Variants in PPP1R1C observed in about 807,000 individuals in gnomAD.
The protein encoded by PPP1R1C is protein phosphatase 1 regulatory inhibitor subunit 1C, also known as protein phosphatase 1 regulatory subunit 1C.
Under a neutral mutation model 17.4 loss-of-function variants are expected in PPP1R1C, and 15 were observed. The ratio of observed to expected loss-of-function variants is 0.86; its 90% confidence interval spans 0.58 to 1.33. The LOEUF (loss-of-function observed/expected upper bound fraction) is 1.33, where lower values mean the gene tolerates loss of function less well. Ranked by LOEUF, PPP1R1C falls within the 40% of genes most tolerant of loss-of-function variation. The probability of loss-of-function intolerance (pLI) is 0.00; values close to 1 mark genes in which losing one functional copy is unlikely to be tolerated. For synonymous variants in PPP1R1C, 35 were observed against 43.1 expected, an observed-to-expected ratio of 0.81 and a Z score of 0.73; for missense variants, 143 against 130.0, an observed-to-expected ratio of 1.10 and a Z score of -0.48.
chr2:182,112,826 C>T (rs1689480825), intron 4 of PPP1R1C, among the ~76,000 whole-genome samples: 1 of 151,898 alleles, frequency 6.6e-6, no homozygotes, highest in Admixed American at 6.6e-5. Context: ...CATAGATTCC[C>T]TAAAGGACTT....
intron 2 of PPP1R1C, among the ~76,000 whole-genome samples, chr2:182,029,490 A>T (rs1306369737): frequency 2.0e-5 from 3 of 150,396 alleles, no homozygotes; most frequent in Non-Finnish European, 2.9e-5. Flanking sequence ...TTGGCTGGAT[A>T]TGAAATTCTG....
intron 2 of PPP1R1C, among the ~76,000 whole-genome samples, chr2:182,031,632 A>G (rs1686843015): frequency 1.3e-5 from 2 of 152,178 alleles, no homozygotes; most frequent in African/African-American, 4.8e-5. Context: ...CAATAGCCTC[A>G]CTTCTTATTT....
chr2:181,987,967 A>G, intron 2 of PPP1R1C, 68 bp downstream of exon 2: 2 of 1,325,260 alleles, frequency 1.5e-6, no homozygotes, highest in Admixed American at 2.2e-5. Context: ...ATCAAAGTAC[A>G]TGTCGTACTG....
At chr2:182,002,589 C>A (rs1033029335) in intron 2 of PPP1R1C, among the ~76,000 whole-genome samples, 2 of 151,920 alleles carry the variant, frequency 1.3e-5, no homozygotes, top group African/African-American at 4.8e-5. Flanking sequence ...TGAATCCCAG[C>A]TCTTTATTCA....
At chr2:182,010,243 C>T (rs1329485364) in intron 2 of PPP1R1C, among the ~76,000 whole-genome samples, 3 of 151,904 alleles carry the variant, frequency 2.0e-5, no homozygotes, top group Non-Finnish European at 4.4e-5. Context: ...ATTTGTTCTT[C>T]CAATTCATGA....
At chr2:182,003,144 T>C (rs1685821377) in intron 2 of PPP1R1C, among the ~76,000 whole-genome samples, 1 of 152,188 alleles carries the variant, frequency 6.6e-6, no homozygotes, top group Non-Finnish European at 1.5e-5. Context: ...TTTAAACTAC[T>C]GTGATAAAGA....
intron 2 of PPP1R1C, among the ~76,000 whole-genome samples, chr2:181,992,061 G>C (rs1685491362): frequency 6.6e-6 from 1 of 152,034 alleles, no homozygotes; most frequent in East Asian, 1.9e-4. Context: ...ATCTAGAGTT[G>C]GAAAATAATT....
intron 2 of PPP1R1C, among the ~76,000 whole-genome samples, chr2:182,042,902 G>C (rs1687227517): frequency 6.6e-6 from 1 of 152,202 alleles, no homozygotes; most frequent in African/African-American, 2.4e-5. Context: ...AACTAGAGAT[G>C]ATTGTGAGCC....
rs148519212 is a variant in PPP1R1C, at chr2:182,127,026, C to T, written c.*7-1948C>T. ...TAACAATGAAGCTAATTCGAAGGAA[C>T]GAACATAGTGAGAATCCCAGCAGTA... On this transcript the variant is annotated intron_variant, in intron 5 of 5. Coordinates refer to the PPP1R1C transcript ENST00000280295. 1.1e-3 allele frequency among the ~76,000 whole-genome samples: 174 copies of T among 152,106 alleles called. 2 individuals carry two copies. The highest frequency in any genetic ancestry group is 5.8e-3 in the East Asian group (30 of 5,190).
At chr2:182,056,740 G>A (rs1041213913) in intron 2 of PPP1R1C, among the ~76,000 whole-genome samples, 5 of 152,078 alleles carry the variant, frequency 3.3e-5, no homozygotes, top group Non-Finnish European at 7.4e-5. Context: ...GCTAGTTTCT[G>A]TAAAATTATA....
chr2:182,129,879 G>A (rs1335014319), exon 6 of PPP1R1C: 1 of 152,092 alleles, frequency 6.6e-6, no homozygotes, highest in East Asian at 1.9e-4. Flanking sequence ...AGATACTTTT[G>A]CTAATGAGGC....
chr2:181,970,456 A>G (rs749782553), intron 1 of PPP1R1C, among the ~76,000 whole-genome samples: 1 of 152,212 alleles, frequency 6.6e-6, no homozygotes, highest in Non-Finnish European at 1.5e-5. Flanking sequence ...ATTACCAGGC[A>G]GAGACTCTTC....
chr2:181,960,903 A>C (rs1402486327), intron 1 of PPP1R1C, among the ~76,000 whole-genome samples: 1 of 152,240 alleles, frequency 6.6e-6, no homozygotes, highest in African/African-American at 2.4e-5. Context: ...CAGAAATTCC[A>C]TTGAAATGCG....
Position 182,081,608 on chromosome 2 carries a change from A to C in PPP1R1C, c.241+17817A>C, listed in dbSNP as rs140548841. ...AAGCAAATGAGAGAAACTTAATTCTAAAATACAGCTATCAGAGTTAACTTA... is the reference window on the plus strand; with the variant it reads ...AAGCAAATGAGAGAAACTTAATTCTCAAATACAGCTATCAGAGTTAACTTA... On this transcript the variant is annotated intron_variant, in intron 4 of 4. Coordinates refer to ENST00000682840, the MANE Select transcript of PPP1R1C (RefSeq NM_001080545.3). Among the ~76,000 whole-genome samples the C allele has an allele frequency of 1.9e-3, 284 of 152,350 alleles. 1 individual carries two copies. The highest frequency in any genetic ancestry group is 6.0e-3 in the African/African-American group (249 of 41,584).
At chr2:182,085,059 ATTG>A (rs1427642209) in intron 4 of PPP1R1C, among the ~76,000 whole-genome samples, 2 of 151,994 alleles carry the variant, frequency 1.3e-5, no homozygotes, top group African/African-American at 4.8e-5. Context: ...CAGCTTGGTC[ATTG>A]TTGGTGTGCT....
chr2:182,029,376 C>T (rs1212044780), intron 2 of PPP1R1C, among the ~76,000 whole-genome samples: 3 of 152,038 alleles, frequency 2.0e-5, no homozygotes, highest in South Asian at 2.1e-4. Flanking sequence ...ATGTTTAGCA[C>T]TTCCTTCAGG....
At chr2:182,021,612 C>T (rs1228331504) in intron 2 of PPP1R1C, among the ~76,000 whole-genome samples, 1 of 152,030 alleles carries the variant, frequency 6.6e-6, no homozygotes, top group African/African-American at 2.4e-5. Context: ...AGGCGTGAGC[C>T]TCACGCCCAG....
Position 182,076,172 on chromosome 2 carries a change from G to A in PPP1R1C, c.241+12381G>A, listed in dbSNP as rs55970529. Among the ~76,000 whole-genome samples, 209 of 106,692 alleles carry A rather than the reference G, an allele frequency of 2.0e-3. 2 individuals are homozygous for A. The highest frequency in any genetic ancestry group is 7.2e-3 in the African/African-American group (201 of 27,800). The allele number at this position is 106,692 out of a possible 152,430, so 70.0% of individuals were successfully genotyped here. A position where few individuals can be genotyped will look rare whatever the true frequency, so the allele number is the denominator to read the frequency against. ...TCTCTAAAGTTATCTATAAATCAAG[G>A]ATTTTGAACTTTTTTTTTTCTTTTC... On this transcript the variant is annotated intron_variant, in intron 4 of 4. Transcript: ENST00000682840.
At chr2:182,128,627 T>C (rs1921149) in intron 5 of PPP1R1C, among the ~76,000 whole-genome samples, 41,988 of 151,868 alleles carry the variant, frequency 0.28, 6,710 homozygotes, top group African/African-American at 0.43. Context: ...TGAACACACA[T>C]ATGCATATGT....
Sources: allele counts gnomAD v4.1 joint callset (sites outside exome capture counted in the v4.1 genomes callset), GRCh38; gene constraint gnomAD v4.1.1; transcripts MANE v1.5; gene names NCBI Gene and HGNC (gene_info 2026-07-23, HGNC 2026-07-21).